Variants in PCCA observed in about 807,000 individuals in gnomAD.
PCCA encodes propionyl-CoA carboxylase subunit alpha.
PCCA carries 74 observed loss-of-function variants against 101.3 expected under a neutral mutation model. The ratio of observed to expected loss-of-function variants is 0.73; its 90% CI spans 0.61 to 0.89. The LOEUF (loss-of-function observed/expected upper bound fraction) is 0.89. PCCA is among the 40% of genes least tolerant of loss of function. The pLI is 0.00. For synonymous variants in PCCA, 294 were observed against 313.6 expected (o/e 0.94, Z 0.66); for missense variants, 891 against 907.0 (o/e 0.98, Z 0.23).
intron 23 of PCCA, among the ~76,000 whole-genome samples, chr13:100,528,924 A>G (rs1430263895): frequency 6.6e-6 from 1 of 152,166 alleles, no homozygotes. Context: ...TGTCCGCCGC[A>G]TGCCAAGGGC....
At chr13:100,100,870 C>T (rs1330475606) in intron 1 of PCCA, among the ~76,000 whole-genome samples, 1 of 151,910 alleles carries the variant, frequency 6.6e-6, no homozygotes, top group South Asian at 2.1e-4. Context: ...TCACTGCAAC[C>T]TCGGCTCACT....
chr13:100,355,521 G>A (rs1278878216), intron 18 of PCCA, among the ~76,000 whole-genome samples: 1 of 152,090 alleles, frequency 6.6e-6, no homozygotes, highest in Non-Finnish European at 1.5e-5. Flanking sequence ...TTATACAGTG[G>A]CATTGTACAA....
At chr13:100,201,718 G>T (rs369368520) in intron 6 of PCCA, among the ~76,000 whole-genome samples, 2 of 151,908 alleles carry the variant, frequency 1.3e-5, no homozygotes, top group South Asian at 4.2e-4. Context: ...TTAGCTGGGC[G>T]TGGTGGTGCA....
intron 6 of PCCA, among the ~76,000 whole-genome samples, chr13:100,179,191 A>G (rs1276702039): frequency 6.6e-6 from 1 of 151,958 alleles, no homozygotes; most frequent in Non-Finnish European, 1.5e-5. Flanking sequence ...ACATACCCTA[A>G]CACAATTAAG....
intron 12 of PCCA, among the ~76,000 whole-genome samples, chr13:100,290,249 TCA>T (rs1335170873): frequency 2.0e-5 from 3 of 152,132 alleles, no homozygotes; most frequent in Non-Finnish European, 4.4e-5. Context: ...CCTCATCCTG[TCA>T]CCCAGGCTGG....
intron 21 of PCCA, among the ~76,000 whole-genome samples, chr13:100,498,718 A>G (rs2085454214): frequency 6.6e-6 from 1 of 152,108 alleles, no homozygotes; most frequent in African/African-American, 2.4e-5. Context: ...TCCACTCAGT[A>G]TAACACTTCT....
chr13:100,407,692 T>C (rs2077766182), intron 19 of PCCA, among the ~76,000 whole-genome samples: 1 of 152,242 alleles, frequency 6.6e-6, no homozygotes, highest in Non-Finnish European at 1.5e-5. Context: ...TTTTTCCTAA[T>C]TTAAAACTGT....
At chr13:100,362,051 T>C (rs1281533469) in intron 18 of PCCA, among the ~76,000 whole-genome samples, 1 of 152,094 alleles carries the variant, frequency 6.6e-6, no homozygotes, top group Non-Finnish European at 1.5e-5. Flanking sequence ...TACAGTAAAA[T>C]ACTTCTCAGC....
intron 8 of PCCA, among the ~76,000 whole-genome samples, chr13:100,242,500 A>T (rs1437834573): frequency 1.3e-5 from 2 of 152,212 alleles, no homozygotes; most frequent in Non-Finnish European, 2.9e-5. Flanking sequence ...GAGATCAGTA[A>T]GGGAGGGAAT....
intron 7 of PCCA, among the ~76,000 whole-genome samples, chr13:100,221,392 T>G (rs908121112): frequency 1.3e-5 from 2 of 152,190 alleles, no homozygotes; most frequent in Non-Finnish European, 2.9e-5. Flanking sequence ...ACTGTGGCTT[T>G]TAGTGGGCTT....
chr13:100,313,938 T>G (rs567971766), intron 16 of PCCA, among the ~76,000 whole-genome samples: 3 of 152,238 alleles, frequency 2.0e-5, no homozygotes, highest in Admixed American at 6.5e-5. Flanking sequence ...CTCGGAGTCT[T>G]TTTTTATTGT....
At chr13:100,126,201 A>G (rs185424912) in intron 4 of PCCA, among the ~76,000 whole-genome samples, 45 of 152,322 alleles carry the variant, frequency 3.0e-4, no homozygotes, top group East Asian at 9.6e-4. Flanking sequence ...TTGCTTTTCC[A>G]TAAAATAACC....
At chr13:100,131,390 G>A (rs2050500837) in intron 4 of PCCA, among the ~76,000 whole-genome samples, 1 of 152,162 alleles carries the variant, frequency 6.6e-6, no homozygotes, top group African/African-American at 2.4e-5. Context: ...GAAGGGTGGT[G>A]ACCACTCTTC....
chr13:100,090,401 T>C (rs148114946), intron 1 of PCCA, among the ~76,000 whole-genome samples: 182 of 152,340 alleles, frequency 1.2e-3, no homozygotes, highest in Non-Finnish European at 2.3e-3. Flanking sequence ...ATTGCAGCTG[T>C]AAGACTTATG....
chr13:100,376,277 G>A (rs1440904911), intron 19 of PCCA, among the ~76,000 whole-genome samples: 1 of 152,230 alleles, frequency 6.6e-6, no homozygotes, highest in Non-Finnish European at 1.5e-5. Context: ...TGTGTGATGT[G>A]TCTGTCAATC....
At chr13:100,514,059 C>G (rs1168868478) in intron 21 of PCCA, among the ~76,000 whole-genome samples, 1 of 152,208 alleles carries the variant, frequency 6.6e-6, no homozygotes, top group Non-Finnish European at 1.5e-5. Context: ...CGTGCACTCT[C>G]CTCGCTTTTT....
intron 19 of PCCA, among the ~76,000 whole-genome samples, chr13:100,424,661 A>C (rs1199019374): frequency 6.6e-6 from 1 of 152,148 alleles, no homozygotes; most frequent in African/African-American, 2.4e-5. Flanking sequence ...ATCTTTGTCC[A>C]CTGCCACCCC....
chr13:100,121,006 A>G (rs569641392), intron 4 of PCCA, among the ~76,000 whole-genome samples: 4 of 152,302 alleles, frequency 2.6e-5, no homozygotes, highest in South Asian at 2.1e-4. Context: ...TCATACTACT[A>G]TAAGTGTAAT....
chr13:100,327,495 T>G (rs545439439), intron 16 of PCCA, among the ~76,000 whole-genome samples: 1 of 152,340 alleles, frequency 6.6e-6, no homozygotes, highest in South Asian at 2.1e-4. Flanking sequence ...TTAAATTGTT[T>G]CCAGGTTTTG....
Sources: gnomAD v4.1 joint callset for allele counts (sites outside exome capture counted in the v4.1 genomes callset) on GRCh38, gnomAD v4.1.1 for gene constraint, MANE v1.5 for transcripts, NCBI Gene and HGNC (gene_info 2026-07-23, HGNC 2026-07-21) for gene names.